The following ACCSL variants were observed in gnomAD, a reference collection of about 807,000 sequenced individuals.
ACCSL encodes probable inactive 1-aminocyclopropane-1-carboxylate synthase-like protein 2.
In ACCSL, 55 loss-of-function variants were observed where a neutral mutation model predicts 61.7. The ratio of observed to expected loss-of-function variants is 0.89; its 90% CI spans 0.72 to 1.12. ACCSL has a LOEUF of 1.12. Ranked by LOEUF, ACCSL falls within the 50% of genes most tolerant of loss-of-function variation. ACCSL has a pLI of 0.00. For synonymous variants in ACCSL, 258 were observed against 264.3 expected, an observed-to-expected ratio of 0.98 and a Z score of 0.23; for missense variants, 632 against 698.0, an observed-to-expected ratio of 0.91 and a Z score of 1.07.
In ACCSL at chr11:44,058,400, T is replaced by C; in HGVS notation, c.1411T>C (p.Leu471=). ...GTACATCACTGCTGAGCTGAAGGCA[T>C]TGGAGATCCCTTTTCACAACCGCAG... The part of the protein sequence containing the change: ...HKYITAELKA[L]EIPFHNRSSG... The change falls in exon 12 of 14, where the codon TTG becomes CTG. Residue 471 remains leucine (L), a synonymous_variant. Transcript: ENST00000378832. The C allele has an allele frequency of 6.2e-7, 1 of 1,614,144 alleles. No homozygotes were observed. Among genetic ancestry groups the C allele is most frequent in the Non-Finnish European group, 8.5e-7 (1 of 1,180,012 alleles).
chr11:43,959,022 C>A, the ACCSL span, among the ~76,000 whole-genome samples: 1 of 152,168 alleles, frequency 6.6e-6, no homozygotes. Context: ...TTCCCTCCAG[C>A]CCTTTTATAA....
the ACCSL span, among the ~76,000 whole-genome samples, chr11:44,002,850 G>A: frequency 3.3e-3 from 505 of 152,274 alleles, 5 homozygotes; most frequent in African/African-American, 0.011. Context: ...GCAAGGCACC[G>A]GGTAGGGGAG....
At chr11:43,949,853 A>AACC in the ACCSL span, among the ~76,000 whole-genome samples, 3 of 152,014 alleles carry the variant, frequency 2.0e-5, no homozygotes, top group Non-Finnish European at 4.4e-5. Flanking sequence ...CAACAACAAC[A>AACC]ACAAAACATA....
chr11:43,970,306 C>T, the ACCSL span, among the ~76,000 whole-genome samples: 3 of 151,940 alleles, frequency 2.0e-5, no homozygotes, highest in South Asian at 2.1e-4. Context: ...CCTGGGCTCA[C>T]GTGATCCTCC....
chr11:44,015,768 C>G, the ACCSL span, among the ~76,000 whole-genome samples: 5 of 152,230 alleles, frequency 3.3e-5, no homozygotes, highest in Non-Finnish European at 5.9e-5. Flanking sequence ...TCAGATAGAT[C>G]TGCATTCAAA....
chr11:43,962,392 T>C, the ACCSL span, among the ~76,000 whole-genome samples: 4 of 152,222 alleles, frequency 2.6e-5, no homozygotes, highest in Admixed American at 2.0e-4. Context: ...TCCTTGTTCC[T>C]TTTAGGAAGG....
chr11:43,950,854 G>C, the ACCSL span, among the ~76,000 whole-genome samples: 1 of 152,084 alleles, frequency 6.6e-6, no homozygotes, highest in Non-Finnish European at 1.5e-5. Context: ...AATCCTTGTT[G>C]GATGTCTTTA....
At chr11:44,048,820 C>G (rs1012375617) in intron 1 of ACCSL, among the ~76,000 whole-genome samples, 1 of 152,080 alleles carries the variant, frequency 6.6e-6, no homozygotes, top group African/African-American at 2.4e-5. Flanking sequence ...ATGAGCCTGC[C>G]GTTAAAGAAC....
the ACCSL span, among the ~76,000 whole-genome samples, chr11:44,011,759 A>G: frequency 1.3e-5 from 2 of 152,128 alleles, no homozygotes; most frequent in Admixed American, 1.3e-4. Context: ...GGAGACCCTG[A>G]TAAACCCTGG....
the ACCSL span, among the ~76,000 whole-genome samples, chr11:43,940,049 T>C: frequency 6.6e-6 from 1 of 152,256 alleles, no homozygotes. Flanking sequence ...GCCTTCAGTG[T>C]TGTGAGGTCA....
chr11:43,933,728 C>G, the ACCSL span, among the ~76,000 whole-genome samples: 1 of 152,146 alleles, frequency 6.6e-6, no homozygotes, highest in African/African-American at 2.4e-5. Flanking sequence ...ACATCAGCAC[C>G]CCAGGTCCAC....
intron 8 of ACCSL, among the ~76,000 whole-genome samples, chr11:44,054,128 C>T (rs1262610965): frequency 2.6e-5 from 4 of 152,326 alleles, no homozygotes; most frequent in East Asian, 3.9e-4. Flanking sequence ...CATCCATTTC[C>T]GAAGCCACTT....
chr11:44,058,807 C>G, intron 13 of ACCSL, 108 bp downstream of exon 13: 1 of 1,322,296 alleles, frequency 7.6e-7, no homozygotes, highest in African/African-American at 1.5e-5. Flanking sequence ...CCTTTATTCC[C>G]TGTTTCCATG....
At chr11:43,946,348 A>G in the ACCSL span, among the ~76,000 whole-genome samples, 1 of 151,932 alleles carries the variant, frequency 6.6e-6, no homozygotes, top group Non-Finnish European at 1.5e-5. Flanking sequence ...CCTGCCCTCC[A>G]CGGCTTCCCA....
chr11:44,058,376 T>A lies in ACCSL; in HGVS notation c.1387T>A (p.Tyr463Asn). ...NCYRLREAHKYITAELKALEI... is the reference protein window; with the variant it reads ...NCYRLREAHKNITAELKALEI... The stretch of plus-strand genomic sequence containing the variant: ...CTACCGGCTCCGGGAAGCTCACAAG[T>A]ACATCACTGCTGAGCTGAAGGCATT... The change falls in exon 12 of 14, where the codon TAC becomes AAC. Residue 463 changes from tyrosine to asparagine, a missense_variant. Coordinates refer to ENST00000378832, the MANE Select transcript of ACCSL (RefSeq NM_001031854.2). 6.2e-7 allele frequency: 1 copy of A among 1,614,118 alleles called. No homozygotes were observed. The highest frequency in any genetic ancestry group is 8.5e-7 in the Non-Finnish European group (1 of 1,180,018).
In ACCSL at chr11:44,048,123, G is replaced by C. The variant is rs756899266; in HGVS notation, c.87G>C (p.Leu29=). 6.2e-7 allele frequency: 1 copy of C among 1,614,086 alleles called. No homozygotes were observed. The highest frequency in any genetic ancestry group is 2.2e-5 in the East Asian group (1 of 44,886). The part of the protein sequence containing the change: ...VPRDHSIYTQ[L]LEITLHLQQA... Reference sequence around the variant, plus strand: ...GAGACCACAGCATCTATACCCAGCTGTTGGAGATAACGCTGCACTTGCAGC... The same window carrying C: ...GAGACCACAGCATCTATACCCAGCTCTTGGAGATAACGCTGCACTTGCAGC... The change falls in exon 1 of 14, where the codon CTG becomes CTC. Residue 29 remains leucine (L), a synonymous_variant. Transcript: ENST00000378832.
chr11:44,053,404 AG>A lies in ACCSL; in HGVS notation c.951del, dbSNP rs746411599. ...ACTCAGTTATATTTGGGTTTTTCTT[AG>A]GGGAAAAAGGTCCGAGGCCTTGTGC... On this transcript the variant is annotated splice_acceptor_variant, in intron 7 of 13. Coordinates refer to ENST00000378832, the MANE Select transcript of ACCSL (RefSeq NM_001031854.2). LOFTEE classifies it high-confidence loss of function. 4.3e-6 allele frequency: 7 copies of A among 1,613,736 alleles called. No individual in the cohort carries two copies. The highest frequency in any genetic ancestry group is 5.9e-6 in the Non-Finnish European group (7 of 1,179,830).
chr11:43,966,400 T>C, the ACCSL span, among the ~76,000 whole-genome samples: 6 of 142,244 alleles, frequency 4.2e-5, no homozygotes, highest in South Asian at 1.3e-3. Flanking sequence ...CACTCCAGCC[T>C]GGGCAACAGA....
chr11:44,012,266 C>A, the ACCSL span, among the ~76,000 whole-genome samples: 1 of 151,782 alleles, frequency 6.6e-6, no homozygotes, highest in South Asian at 2.1e-4. Flanking sequence ...ATATACTCTT[C>A]TTGGGAATAT....
Sources: allele counts gnomAD v4.1 joint callset (sites outside exome capture counted in the v4.1 genomes callset), GRCh38; gene constraint gnomAD v4.1.1; transcripts MANE v1.5; gene names NCBI Gene and HGNC (gene_info 2026-07-23, HGNC 2026-07-21).